The following S100PBP variants were observed in gnomAD, a reference collection of about 807,000 sequenced individuals.
The protein encoded by S100PBP is S100P binding protein.
A neutral mutation model predicts 39.9 loss-of-function variants in S100PBP; 15 were observed. The observed-to-expected ratio is 0.38, with a 90% CI of 0.25 to 0.58. S100PBP has a LOEUF of 0.58. S100PBP is among the 20% of genes least tolerant of loss of function. The pLI is 0.70. For synonymous variants in S100PBP, 178 were observed against 180.3 expected, an observed-to-expected ratio of 0.99 and a Z score of 0.10; for missense variants, 504 against 487.3, an observed-to-expected ratio of 1.03 and a Z score of -0.32.
intron 3 of S100PBP, among the ~76,000 whole-genome samples, chr1:32,827,300 G>A (rs1639372839): frequency 6.6e-6 from 1 of 152,018 alleles, no homozygotes; most frequent in Non-Finnish European, 1.5e-5. Context: ...TGGTAATTCT[G>A]TTATTTTTCT....
intron 5 of S100PBP, among the ~76,000 whole-genome samples, chr1:32,844,785 C>T (rs921245037): frequency 1.3e-5 from 2 of 151,208 alleles, no homozygotes; most frequent in Non-Finnish European, 2.9e-5. Context: ...AGATATATAT[C>T]TCTGTATAGA....
chr1:32,840,147 G>A (rs375928161), intron 5 of S100PBP, among the ~76,000 whole-genome samples: 7 of 151,988 alleles, frequency 4.6e-5, no homozygotes, highest in African/African-American at 1.4e-4. Flanking sequence ...CACCATATCC[G>A]GCTAATTTTT....
intron 5 of S100PBP, among the ~76,000 whole-genome samples, chr1:32,852,117 A>G (rs556074609): frequency 6.6e-6 from 1 of 152,270 alleles, no homozygotes; most frequent in Non-Finnish European, 1.5e-5. Flanking sequence ...ATTGGAGTCC[A>G]GCCTCGCCAA....
In S100PBP at chr1:32,823,226, G is replaced by A. The variant is rs572426129; in HGVS notation, c.-119-2087G>A. Among the ~76,000 whole-genome samples the A allele has an allele frequency of 2.0e-5, 3 of 151,990 alleles. No homozygotes were observed. In the South Asian group the frequency reaches 6.2e-4, roughly 32 times the overall value. On this transcript the variant is annotated intron_variant, in intron 1 of 6. Transcript: ENST00000373475. ...AATGGGGGGCAATGGCCCAGAAAGG[G>A]CATCTAAGAAATGTAGCTGCTTAAC...
intron 5 of S100PBP, among the ~76,000 whole-genome samples, chr1:32,851,954 C>T (rs1211226806): frequency 1.3e-5 from 2 of 152,162 alleles, no homozygotes; most frequent in Non-Finnish European, 1.5e-5. Flanking sequence ...AAGTCTCAAT[C>T]GTTGAGTGCA....
Position 32,858,513 on chromosome 1 carries a change from CTT to C in S100PBP, c.*2478_*2479del, listed in dbSNP as rs1640899638. ...TGGGTAGAATCTGGAGTTTTCATCT[CTT>C]TTCAAAGCTGCATATCTCTTATATT... On this transcript the variant is annotated 3_prime_UTR_variant, in exon 7 of 7. Transcript: ENST00000373475. 6.6e-6 allele frequency: 1 copy of C among 152,478 alleles called. No homozygotes were observed. The highest frequency in any genetic ancestry group is 2.4e-5 in the African/African-American group (1 of 41,444). 9.4% of individuals were successfully genotyped at this position (152,478 alleles called of 1,614,324 possible).
chr1:32,836,555 C>T, intron 5 of S100PBP: 1 of 982,802 alleles, frequency 1.0e-6, no homozygotes, highest in Non-Finnish European at 1.2e-6. Context: ...TATATTATGG[C>T]TTCATTTTCT....
At chr1:32,849,902 C>T (rs1015920643) in intron 5 of S100PBP, among the ~76,000 whole-genome samples, 4 of 152,058 alleles carry the variant, frequency 2.6e-5, no homozygotes, top group African/African-American at 7.2e-5. Context: ...GTCTGTAAAG[C>T]GGGGAAAATA....
intron 5 of S100PBP, among the ~76,000 whole-genome samples, chr1:32,841,408 T>G (rs1300189903): frequency 6.6e-6 from 1 of 151,998 alleles, no homozygotes; most frequent in East Asian, 1.9e-4. Flanking sequence ...CTGGTTATAG[T>G]AGATGAAGTA....
intron 5 of S100PBP, chr1:32,847,516 T>C (rs1414843036): frequency 6.6e-6 from 1 of 152,240 alleles, no homozygotes; most frequent in Non-Finnish European, 1.5e-5. Flanking sequence ...TTGATTTTTA[T>C]TGAAGATCAT....
chr1:32,845,766 A>G (rs1044763150), intron 5 of S100PBP, among the ~76,000 whole-genome samples: 4 of 150,296 alleles, frequency 2.7e-5, no homozygotes, highest in Non-Finnish European at 5.9e-5. Context: ...TGTAGCATCA[A>G]CCTCCCGGGC....
intron 1 of S100PBP, among the ~76,000 whole-genome samples, chr1:32,820,932 C>T (rs921070883): frequency 1.2e-4 from 19 of 152,262 alleles, no homozygotes; most frequent in African/African-American, 4.1e-4. Context: ...GCTATGATCA[C>T]GCCACTGTTT....
chr1:32,824,148 A>G (rs1202362086), intron 1 of S100PBP, among the ~76,000 whole-genome samples: 3 of 151,922 alleles, frequency 2.0e-5, no homozygotes, highest in South Asian at 2.1e-4. Flanking sequence ...CAGTGAGCCA[A>G]GATCGCAAGA....
intron 5 of S100PBP, among the ~76,000 whole-genome samples, chr1:32,849,139 T>C (rs1640506344): frequency 6.7e-6 from 1 of 149,876 alleles, no homozygotes; most frequent in South Asian, 2.1e-4. Flanking sequence ...TATCTTTTCT[T>C]TCTTTTTTTT....
At chr1:32,846,495 A>C (rs1640384216) in intron 5 of S100PBP, among the ~76,000 whole-genome samples, 1 of 150,216 alleles carries the variant, frequency 6.7e-6, no homozygotes, top group South Asian at 2.1e-4. Context: ...TTTTGTTTCC[A>C]CTTCCATCTT....
At chr1:32,824,038 A>G (rs1263042177) in intron 1 of S100PBP, among the ~76,000 whole-genome samples, 3 of 152,144 alleles carry the variant, frequency 2.0e-5, no homozygotes, top group Non-Finnish European at 4.4e-5. Flanking sequence ...CTCTACTAAA[A>G]ATACAACAAA....
upstream of S100PBP, chr1:32,817,116 T>C: frequency 1.9e-6 from 3 of 1,590,698 alleles, no homozygotes; most frequent in Non-Finnish European, 2.6e-6. Context: ...TAGAACCCCG[T>C]AATGGGGCTC....
At chr1:32,825,163 T>C (rs1347912153) in intron 1 of S100PBP, 150 bp from the exon 2 acceptor site, 1 of 152,172 alleles carries the variant, frequency 6.6e-6, no homozygotes, top group East Asian at 1.9e-4. Context: ...TTTGGTGTGC[T>C]TGACTCAGAA....
At position 32,826,558 on chromosome 1, in the gene S100PBP, A is replaced by G. The variant is rs1180578864; in HGVS notation, c.459A>G (p.Pro153=). The part of the protein sequence containing the change: ...LIKVTVAPFN[P]TVCDALLDKD... ...AAGTAACTGTTGCACCATTTAATCC[A>G]ACAGTTTGTGATGCTCTGCTTGATA... is the stretch of plus-strand genomic sequence containing the variant. Residue 153 remains proline, a synonymous_variant, in exon 3 of 7, where the codon CCA becomes CCG. Transcript: ENST00000373475. 6.2e-7 allele frequency: 1 copy of G among 1,613,762 alleles called. No individual in the cohort carries two copies. The highest frequency in any genetic ancestry group is 1.7e-5 in the Admixed American group (1 of 59,992).
Sources: allele counts gnomAD v4.1 joint callset (sites outside exome capture counted in the v4.1 genomes callset), GRCh38; gene constraint gnomAD v4.1.1; transcripts MANE v1.5; gene names NCBI Gene and HGNC (gene_info 2026-07-23, HGNC 2026-07-21).